Variants in DRG1 observed in about 807,000 individuals in gnomAD.
DRG1 encodes developmentally-regulated GTP-binding protein 1.
DRG1 carries 19 observed loss-of-function variants against 38.8 expected under a neutral mutation model. The observed-to-expected ratio is 0.49, with a 90% CI of 0.34 to 0.72. The LOEUF (loss-of-function observed/expected upper bound fraction) is 0.72. DRG1 is among the 30% of genes least tolerant of loss of function. DRG1 has a pLI of 0.01. For missense variants in DRG1, 299 were observed against 444.8 expected (o/e 0.67, Z 2.95); for synonymous variants, 167 against 157.5 (o/e 1.06, Z -0.45).
intron 8 of DRG1, among the ~76,000 whole-genome samples, chr22:31,429,766 C>G (rs138688680): frequency 1.3e-5 from 2 of 152,216 alleles, no homozygotes; most frequent in South Asian, 4.1e-4. Context: ...CTGCCTCAGC[C>G]TCCTGAGTAG....
chr22:31,426,937 A>G lies in DRG1; in HGVS notation c.882-123A>G. On this transcript the variant is annotated intron_variant, in intron 7 of 8. Coordinates refer to ENST00000331457, the MANE Select transcript of DRG1 (RefSeq NM_004147.4). ...ACTAGGTCATTAGGTCATATTGAGGACACTTTTTCCCTTAAGTTGGAGGTT... is the reference window on the plus strand; with the variant it reads ...ACTAGGTCATTAGGTCATATTGAGGGCACTTTTTCCCTTAAGTTGGAGGTT... 6 of 1,507,020 alleles carry G rather than the reference A, an allele frequency of 4.0e-6. No homozygotes were observed. The South Asian group carries it at 7.7e-5, about 19-fold the overall frequency. The allele number at this position is 1,507,020 out of a possible 1,614,324, so 93.4% of individuals were successfully genotyped here.
chr22:31,399,663 G>A lies in DRG1; in HGVS notation c.-21G>A, dbSNP rs1376609481. On this transcript the variant is annotated 5_prime_UTR_variant, in exon 1 of 9. Transcript: ENST00000331457. ...GGTGTGTGAAGGGAGACAGTGTGGAGGCCACAGGGTACTCGCCACGATGAG... is the reference window on the plus strand; with the variant it reads ...GGTGTGTGAAGGGAGACAGTGTGGAAGCCACAGGGTACTCGCCACGATGAG... 5 of 1,613,922 alleles carry A rather than the reference G, an allele frequency of 3.1e-6. No homozygotes were observed. The highest frequency in any genetic ancestry group is 1.1e-5 in the South Asian group (1 of 91,080).
chr22:31,422,545 T>G (rs2145868095), intron 5 of DRG1, among the ~76,000 whole-genome samples: 1 of 152,316 alleles, frequency 6.6e-6, no homozygotes, highest in South Asian at 2.1e-4. Flanking sequence ...GTGTTTCACA[T>G]AGGAGTGACC....
At position 31,427,195 on chromosome 22, in the gene DRG1, G is replaced by A. The variant is rs1455330344; in HGVS notation, c.1004+13G>A. 6.2e-7 allele frequency: 1 copy of A among 1,613,142 alleles called. No individual in the cohort carries two copies. Among genetic ancestry groups the A allele is most frequent in the East Asian group, 2.2e-5 (1 of 44,836 alleles). ...AAGAATTTAAATAGTAAGTATCATG[G>A]GCCTGTGGTCCCTCCTTTTTCCTAT... On this transcript the variant is annotated intron_variant, in intron 8 of 8. Transcript: ENST00000331457.
chr22:31,413,100 T>C (rs185295569), intron 4 of DRG1, among the ~76,000 whole-genome samples: 1,714 of 152,216 alleles, frequency 0.011, 12 homozygotes, highest in Middle Eastern at 0.024. Context: ...TTTCTTAATT[T>C]TCTTTTTTTA....
rs2050102076 is a variant in DRG1 at position 31,425,004 on chromosome 22, T to G, written c.713+1594T>G. ...TTTTAGTAGAGACGGGGTTTCTCCATGTTAGCCAGGCTGGTCTCAAACCTC... is the reference window on the plus strand; with the variant it reads ...TTTTAGTAGAGACGGGGTTTCTCCAGGTTAGCCAGGCTGGTCTCAAACCTC... On this transcript the variant is annotated intron_variant, in intron 6 of 8. Transcript: ENST00000331457. 2.0e-5 allele frequency among the ~76,000 whole-genome samples: 3 copies of G among 151,412 alleles called. No homozygotes were observed. The South Asian group carries it at 6.3e-4, about 32-fold the overall frequency.
chr22:31,416,139 T>G (rs1390761822), intron 4 of DRG1, among the ~76,000 whole-genome samples: 1 of 151,966 alleles, frequency 6.6e-6, no homozygotes, highest in Non-Finnish European at 1.5e-5. Context: ...CAAAACCCGA[T>G]CTCTACTAAA....
chr22:31,403,228 G>A, intron 3 of DRG1, 24 bp downstream of exon 3: 1 of 1,578,388 alleles, frequency 6.3e-7, no homozygotes, highest in Non-Finnish European at 8.6e-7. Context: ...GCAGACTAAG[G>A]AAGGAAAGAA....
rs758080107 is a variant in DRG1 at position 31,420,318 on chromosome 22, A to G, written c.475A>G (p.Lys159Glu). The G allele has an allele frequency of 2.5e-6, 4 of 1,614,014 alleles. No individual in the cohort carries two copies. Among genetic ancestry groups the G allele is most frequent in the Non-Finnish European group, 3.4e-6 (4 of 1,180,044 alleles). Reference sequence around the variant, plus strand: ...TGTCCTGAAACCTTTGGGACATAAGAAGATAATTGAAAATGAGCTGGAAGG... The same window carrying G: ...TGTCCTGAAACCTTTGGGACATAAGGAGATAATTGAAAATGAGCTGGAAGG... ...LDVLKPLGHK[K>E]IIENELEGFG... Residue 159 changes from lysine to glutamate, a missense_variant, in exon 5 of 9, where the codon AAG (lysine) becomes GAG (glutamate). Coordinates refer to ENST00000331457, the MANE Select transcript of DRG1 (RefSeq NM_004147.4).
At chr22:31,422,067 C>T (rs1042832720) in intron 5 of DRG1, among the ~76,000 whole-genome samples, 3 of 150,692 alleles carry the variant, frequency 2.0e-5, no homozygotes, top group East Asian at 3.9e-4. Context: ...GCCGAGATGA[C>T]GCCACTGCAC....
chr22:31,402,384 A>G (rs1352627967), intron 2 of DRG1, among the ~76,000 whole-genome samples: 2 of 152,006 alleles, frequency 1.3e-5, no homozygotes, highest in Non-Finnish European at 2.9e-5. Flanking sequence ...TAATTAATTA[A>G]TTTGTTTATT....
At chr22:31,401,332 T>C (rs9609276) in intron 2 of DRG1, among the ~76,000 whole-genome samples, 34,398 of 150,524 alleles carry the variant, frequency 0.23, 5,010 homozygotes, top group East Asian at 0.46. Flanking sequence ...CCTGTAATCC[T>C]AGCACTTTGG....
At chr22:31,433,585 A>T (rs887468001) in intron 8 of DRG1, among the ~76,000 whole-genome samples, 3 of 152,142 alleles carry the variant, frequency 2.0e-5, no homozygotes, top group African/African-American at 7.2e-5. Flanking sequence ...GTATTTCTCT[A>T]TAACAAATCC....
At chr22:31,426,896 T>C in intron 7 of DRG1, 114 bp downstream of exon 7, 6 of 1,495,514 alleles carry the variant, frequency 4.0e-6, no homozygotes, top group Non-Finnish European at 5.4e-6. Context: ...TATAAGTAAA[T>C]TGGTTCCTAT....
At chr22:31,432,478 T>G (rs2050145090) in intron 8 of DRG1, among the ~76,000 whole-genome samples, 1 of 150,520 alleles carries the variant, frequency 6.6e-6, no homozygotes, top group Non-Finnish European at 1.5e-5. Context: ...CAGGCTGGAG[T>G]GCAGTGGCGC....
At chr22:31,401,241 TGGGC>T (rs2049959183) in intron 2 of DRG1, among the ~76,000 whole-genome samples, 8 of 148,330 alleles carry the variant, frequency 5.4e-5, no homozygotes, top group Admixed American at 5.4e-4. Context: ...CCTGTCTCTA[TGGGC>T]TTAGAAATGA....
rs746684534 is a variant in DRG1 at position 31,426,745 on chromosome 22, T to C, written c.844T>C (p.Leu282=). Residue 282 remains leucine, a synonymous_variant, in exon 7 of 9, where the codon TTG becomes CTG. Transcript: ENST00000331457. ...AHHRWNFDDL[L]EKIWDYLKLV... ...TCACCGCTGGAATTTTGATGACCTA[T>C]TGGAAAAGATCTGGGACTATCTGAA... 1.9e-6 allele frequency: 3 copies of C among 1,614,196 alleles called. No homozygotes were observed. Among genetic ancestry groups the C allele is most frequent in the Non-Finnish European group, 2.5e-6 (3 of 1,180,042 alleles).
intron 8 of DRG1, among the ~76,000 whole-genome samples, chr22:31,429,176 T>C (rs1487762954): frequency 3.9e-5 from 6 of 152,182 alleles, no homozygotes; most frequent in African/African-American, 1.4e-4. Flanking sequence ...TGGAGTGTAG[T>C]GGCACGATAT....
chr22:31,403,327 G>A, intron 3 of DRG1, 123 bp downstream of exon 3: 1 of 1,054,064 alleles, frequency 9.5e-7, no homozygotes, highest in Non-Finnish European at 1.3e-6. Context: ...CTACCTGGTA[G>A]GGGAAATAGA....
Sources: allele counts gnomAD v4.1 joint callset (sites outside exome capture counted in the v4.1 genomes callset), GRCh38; gene constraint gnomAD v4.1.1; transcripts MANE v1.5; gene names NCBI Gene and HGNC (gene_info 2026-07-23, HGNC 2026-07-21).